The following MYO18B variants were observed in gnomAD, a reference collection of about 807,000 sequenced individuals.
MYO18B encodes the protein myosin XVIIIB, also known as unconventional myosin-XVIIIb.
Under a neutral mutation model 273.0 loss-of-function variants are expected in MYO18B, and 204 were observed. The observed-to-expected ratio is 0.75, with a 90% CI of 0.67 to 0.84. MYO18B has a LOEUF of 0.84. Among genes scored for constraint, MYO18B ranks in the 40% least tolerant of loss-of-function variants. The probability of loss-of-function intolerance (pLI) is 0.00; values close to 1 mark genes in which losing one functional copy is unlikely to be tolerated. For synonymous variants in MYO18B, 1,330 were observed against 1,305.7 expected (o/e 1.02, Z -0.40); for missense variants, 3,212 against 3,287.6 (o/e 0.98, Z 0.56).
At chr22:25,829,600 A>G (rs1387393047) in intron 15 of MYO18B, among the ~76,000 whole-genome samples, 1 of 151,702 alleles carries the variant, frequency 6.6e-6, no homozygotes, top group Non-Finnish European at 1.5e-5. Flanking sequence ...GCACTTTGGG[A>G]GCCCGAGGCG....
intron 21 of MYO18B, among the ~76,000 whole-genome samples, chr22:25,852,411 G>A (rs1459159359): frequency 6.6e-6 from 1 of 152,072 alleles, no homozygotes; most frequent in African/African-American, 2.4e-5. Context: ...ATGAATGAAT[G>A]AATGAATGAA....
chr22:25,762,939 C>T, intron 2 of MYO18B: 1 of 560,426 alleles, frequency 1.8e-6, no homozygotes, highest in Non-Finnish European at 3.5e-6. Context: ...AGGGAACCAG[C>T]AGCCTTGACC....
At chr22:26,047,315 A>G in the MYO18B span, among the ~76,000 whole-genome samples, 3 of 151,784 alleles carry the variant, frequency 2.0e-5, no homozygotes, top group African/African-American at 7.3e-5. Context: ...TTTAGTAGAG[A>G]CGGGGTTTCA....
At chr22:25,816,213 C>T (rs1275683413) in intron 12 of MYO18B, among the ~76,000 whole-genome samples, 1 of 152,172 alleles carries the variant, frequency 6.6e-6, no homozygotes, top group East Asian at 1.9e-4. Flanking sequence ...ATTGGATTTT[C>T]TCCCGGGGTT....
At chr22:25,873,148 T>C (rs1161465703) in intron 22 of MYO18B, among the ~76,000 whole-genome samples, 7 of 152,168 alleles carry the variant, frequency 4.6e-5, no homozygotes, top group Non-Finnish European at 4.4e-5. Context: ...GCCTTAATCT[T>C]TTGCTGACAG....
chr22:25,783,541 C>G (rs901162367), intron 10 of MYO18B, among the ~76,000 whole-genome samples: 1 of 152,240 alleles, frequency 6.6e-6, no homozygotes, highest in Non-Finnish European at 1.5e-5. Context: ...GAGTTCCACA[C>G]TGGGGCTCTC....
At chr22:25,911,911 C>T (rs970987538) in intron 33 of MYO18B, among the ~76,000 whole-genome samples, 3 of 152,182 alleles carry the variant, frequency 2.0e-5, no homozygotes, top group Admixed American at 6.5e-5. Flanking sequence ...TGCATGAAAT[C>T]CCAACACGGG....
intron 8 of MYO18B, among the ~76,000 whole-genome samples, chr22:25,779,091 C>T (rs941455530): frequency 1.3e-5 from 2 of 152,044 alleles, no homozygotes; most frequent in Non-Finnish European, 2.9e-5. Flanking sequence ...GCTATATATT[C>T]CTTTATGTGT....
rs776369816 is a variant in MYO18B at position 25,771,069 on chromosome 22, A to G, written c.1692+85A>G. The G allele has an allele frequency of 3.1e-5, 30 of 974,562 alleles. 1 individual carries two copies. The highest frequency in any genetic ancestry group is 3.8e-5 in the Non-Finnish European group (24 of 638,288). 60.4% of individuals were successfully genotyped at this position (974,562 alleles called of 1,614,324 possible). On this transcript the variant is annotated intron_variant, in intron 6 of 43. Coordinates refer to ENST00000335473, the MANE Select transcript of MYO18B (RefSeq NM_032608.7). Reference sequence around the variant, plus strand: ...CCATACCCTCCTTCCCCAGTCCTGCAAGAGATTTCCTTGTTCCTGACTACC... The same window carrying G: ...CCATACCCTCCTTCCCCAGTCCTGCGAGAGATTTCCTTGTTCCTGACTACC...
chr22:25,868,391 T>C lies in MYO18B; in HGVS notation c.3951+6T>C. On this transcript the variant is annotated splice_donor_region_variant and intron_variant, in intron 22 of 43. Transcript: ENST00000335473. ...TGGCTGTGGGGCACAGCCAAGTGAGTAGAGCTGCTTTCTTACAACATTCGC... is the reference window on the plus strand; with the variant it reads ...TGGCTGTGGGGCACAGCCAAGTGAGCAGAGCTGCTTTCTTACAACATTCGC... 6.3e-7 allele frequency: 1 copy of C among 1,587,470 alleles called. No individual in the cohort carries two copies. Among genetic ancestry groups the C allele is most frequent in the Non-Finnish European group, 8.6e-7 (1 of 1,166,448 alleles).
chr22:25,989,626 CAAAAAAAAAAAAAA>C (rs56004208), intron 39 of MYO18B, among the ~76,000 whole-genome samples: 1 of 88,606 alleles, frequency 1.1e-5, no homozygotes, highest in Non-Finnish European at 2.0e-5. Context: ...ACTAAAAATA[CAAAAAAAAAAAAAA>C]AAAAAAAAAA....
rs1244449047 is a variant in MYO18B, at chr22:25,997,977, AC to A, written c.6288-5287del. 1.2e-3 allele frequency among the ~76,000 whole-genome samples: 142 copies of A among 115,496 alleles called. 2 individuals carry two copies. The highest frequency in any genetic ancestry group is 4.8e-3 in the Middle Eastern group (1 of 210). The allele number at this position is 115,496 out of a possible 152,430, so 75.8% of individuals were successfully genotyped here. A position where few individuals can be genotyped will look rare whatever the true frequency, so the allele number is the denominator to read the frequency against. ...CACACAAACACACACACACACACAC[AC>A]GAGAGAGAGAGAGAGAGAGAGAGAT... On this transcript the variant is annotated intron_variant, in intron 40 of 43. Transcript: ENST00000335473.
chr22:26,050,690 T>G, the MYO18B span, among the ~76,000 whole-genome samples: 3 of 152,208 alleles, frequency 2.0e-5, no homozygotes, highest in Non-Finnish European at 4.4e-5. Flanking sequence ...TGCTTTATCT[T>G]TAGTTTTCTT....
Position 25,851,567 on chromosome 22 carries a change from A to G in MYO18B, c.3873A>G (p.Ile1291Met). ...LKKLMSTSEG[I>M]DERKAVEELL... ...AGCTCATGTCGACCTCCGAGGGAAT[A>G]GATGAAAGGAAGGTAGGTGGAGCAC... The change falls in exon 21 of 44, where the codon ATA (isoleucine) becomes ATG (methionine). Residue 1291 changes from isoleucine to methionine, a missense_variant. Physicochemically the swap from Ile to Met is conservative, Grantham distance 10 (BLOSUM62 1). Coordinates refer to ENST00000335473, the MANE Select transcript of MYO18B (RefSeq NM_032608.7). The G allele has an allele frequency of 1.3e-6, 2 of 1,556,024 alleles. No individual in the cohort carries two copies. The highest frequency in any genetic ancestry group is 1.7e-6 in the Non-Finnish European group (2 of 1,149,182).
intron 11 of MYO18B, among the ~76,000 whole-genome samples, chr22:25,792,488 T>TA: frequency 4.2e-5 from 2 of 47,618 alleles, no homozygotes; most frequent in Admixed American, 6.7e-4. Context: ...TTTCTTTTTT[T>TA]TTTCTTTTCT....
intron 12 of MYO18B, among the ~76,000 whole-genome samples, chr22:25,803,882 C>G (rs13313869): frequency 0.23 from 35,303 of 151,490 alleles, 4,342 homozygotes; most frequent in Middle Eastern, 0.27. Context: ...TCTTAAACTT[C>G]TAGCCAATTA....
At chr22:25,857,907 T>A (rs2090621388) in intron 21 of MYO18B, among the ~76,000 whole-genome samples, 10 of 152,246 alleles carry the variant, frequency 6.6e-5, no homozygotes, top group Admixed American at 6.5e-4. Flanking sequence ...ACCACCTTGG[T>A]CTACCAAAGT....
intron 12 of MYO18B, among the ~76,000 whole-genome samples, chr22:25,801,581 A>G (rs1326914698): frequency 6.6e-6 from 1 of 152,180 alleles, no homozygotes; most frequent in Non-Finnish European, 1.5e-5. Flanking sequence ...GGGGTGTTTC[A>G]TAAGGGTTCA....
chr22:25,779,304 C>T (rs2087041729), intron 8 of MYO18B, among the ~76,000 whole-genome samples: 2 of 152,040 alleles, frequency 1.3e-5, no homozygotes, highest in South Asian at 4.2e-4. Flanking sequence ...TCTTTTGGTC[C>T]TCATGACAGC....
Sources: gnomAD v4.1 joint callset for allele counts (sites outside exome capture counted in the v4.1 genomes callset) on GRCh38, gnomAD v4.1.1 for gene constraint, MANE v1.5 for transcripts, NCBI Gene and HGNC (gene_info 2026-07-23, HGNC 2026-07-21) for gene names.